Variants in SPAG17 observed in about 807,000 individuals in gnomAD.
SPAG17 encodes the protein sperm associated antigen 17.
Under a neutral mutation model 273.6 loss-of-function variants are expected in SPAG17, and 169 were observed. That is an observed-to-expected ratio of 0.62 (90% CI 0.55 to 0.70). SPAG17 has a LOEUF of 0.70. Among genes scored for constraint, SPAG17 ranks in the 30% least tolerant of loss-of-function variants. The pLI, the probability that SPAG17 is intolerant of heterozygous loss-of-function variation, is 0.00. For missense variants in SPAG17, 2,557 were observed against 2,627.8 expected, an observed-to-expected ratio of 0.97 and a Z score of 0.59; for synonymous variants, 825 against 873.2, an observed-to-expected ratio of 0.94 and a Z score of 0.97.
At chr1:118,021,122 G>C (rs905901335) in intron 28 of SPAG17, among the ~76,000 whole-genome samples, 1 of 152,046 alleles carries the variant, frequency 6.6e-6, no homozygotes, top group Non-Finnish European at 1.5e-5. Context: ...CAGTTGCTTT[G>C]TGGTTTTATA....
chr1:118,173,207 C>T (rs1462274963), intron 1 of SPAG17, among the ~76,000 whole-genome samples: 1 of 151,784 alleles, frequency 6.6e-6, no homozygotes. Context: ...AAATGAATGA[C>T]CAATCAAGAA....
intron 17 of SPAG17, among the ~76,000 whole-genome samples, chr1:118,068,752 A>G (rs1221798603): frequency 6.6e-6 from 1 of 152,210 alleles, no homozygotes; most frequent in Non-Finnish European, 1.5e-5. Flanking sequence ...AACAAAATAG[A>G]TAAGATTTTC....
At chr1:118,008,815 T>A (rs1659175543) in intron 30 of SPAG17, among the ~76,000 whole-genome samples, 1 of 152,208 alleles carries the variant, frequency 6.6e-6, no homozygotes, top group Non-Finnish European at 1.5e-5. Flanking sequence ...CATCCATCTA[T>A]CTATACATAT....
At chr1:118,053,254 A>G (rs1422255413) in intron 20 of SPAG17, among the ~76,000 whole-genome samples, 1 of 152,098 alleles carries the variant, frequency 6.6e-6, no homozygotes, top group African/African-American at 2.4e-5. Flanking sequence ...TTTCTTTACT[A>G]TTAATATCCA....
At chr1:117,980,743 G>T (rs1331064639) in intron 43 of SPAG17, among the ~76,000 whole-genome samples, 1 of 152,090 alleles carries the variant, frequency 6.6e-6, no homozygotes, top group Non-Finnish European at 1.5e-5. Context: ...AGCGAAATTA[G>T]CATAATGTGA....
At chr1:117,964,693 C>T (rs1022724704) in intron 47 of SPAG17, 14 of 152,168 alleles carry the variant, frequency 9.2e-5, no homozygotes, top group Non-Finnish European at 1.9e-4. Context: ...TATGTATTGT[C>T]TGTCCTCCCA....
chr1:118,140,114 T>C (rs1293142768), intron 3 of SPAG17, among the ~76,000 whole-genome samples: 1 of 152,172 alleles, frequency 6.6e-6, no homozygotes, highest in Non-Finnish European at 1.5e-5. Context: ...ATGGGTGCCC[T>C]TGACCTGAGA....
At chr1:118,118,731 T>C (rs1657246301) in intron 3 of SPAG17, among the ~76,000 whole-genome samples, 1 of 152,200 alleles carries the variant, frequency 6.6e-6, no homozygotes, top group African/African-American at 2.4e-5. Flanking sequence ...ATGAGGAAAT[T>C]AAGCTTCAAA....
At chr1:118,030,749 T>C (rs1648357422) in intron 25 of SPAG17, among the ~76,000 whole-genome samples, 1 of 152,196 alleles carries the variant, frequency 6.6e-6, no homozygotes, top group South Asian at 2.1e-4. Flanking sequence ...GCTTCATCCA[T>C]GTCCCTGCAA....
chr1:118,121,569 C>G (rs531235812), intron 3 of SPAG17, among the ~76,000 whole-genome samples: 1 of 152,094 alleles, frequency 6.6e-6, no homozygotes, highest in Non-Finnish European at 1.5e-5. Context: ...TGTGAGGGAT[C>G]TAGTTGTGTG....
rs1262521229 is a variant in SPAG17, at chr1:118,101,790, G to A, written c.584C>T (p.Thr195Ile). The change falls in exon 5 of 49, where the codon ACC (threonine) becomes ATC (isoleucine). Residue 195 changes from threonine (T) to isoleucine (I), a missense_variant. Coordinates refer to ENST00000336338, the MANE Select transcript of SPAG17 (RefSeq NM_206996.4). ...QPEANAPVKK[T>I]TQLKRRGEDD... is the part of the protein sequence containing the mutation. ...TTCTCCTCTCCGCTTTAACTGGGTG[G>A]TCTTTTTCACTGGTGCATTTGCCTC... The A allele has an allele frequency of 3.7e-6, 6 of 1,613,926 alleles. No individual in the cohort carries two copies. The highest frequency in any genetic ancestry group is 4.2e-6 in the Non-Finnish European group (5 of 1,179,980).
chr1:118,174,995 T>C (rs760086782), intron 1 of SPAG17, among the ~76,000 whole-genome samples: 3 of 149,670 alleles, frequency 2.0e-5, no homozygotes, highest in African/African-American at 7.4e-5. Flanking sequence ...TGTGAATAGA[T>C]TGGAAGGTCT....
chr1:118,000,460 G>T (rs1157642146), intron 32 of SPAG17, among the ~76,000 whole-genome samples: 9 of 152,176 alleles, frequency 5.9e-5, no homozygotes, highest in Admixed American at 1.3e-4. Flanking sequence ...CATGAGCATG[G>T]AATGTTCTTC....
chr1:118,043,001 A>G lies in SPAG17; in HGVS notation c.2815-959T>C, dbSNP rs113303598. Among the ~76,000 whole-genome samples the G allele has an allele frequency of 4.4e-3, 671 of 152,364 alleles. 5 individuals are homozygous for G. Among genetic ancestry groups the G allele is most frequent in the African/African-American group, 0.015 (643 of 41,596 alleles). ...AGCTCACAAATGAAAATCACAAAAC[A>G]TGCAGAAATAAACCACTTTGAGTAA... On this transcript the variant is annotated intron_variant, in intron 20 of 48. Transcript: ENST00000336338.
chr1:118,039,404 G>T lies in SPAG17; in HGVS notation c.3207C>A (p.His1069Gln). 6.2e-7 allele frequency: 1 copy of T among 1,613,390 alleles called. No homozygotes were observed. The highest frequency in any genetic ancestry group is 1.1e-5 in the South Asian group (1 of 91,056). Reference protein sequence around the residue: ...FIKVRVVKDNHNFMIHLNDPK... With the variant: ...FIKVRVVKDNQNFMIHLNDPK... ...GGTCATTTAAATGAATCATAAAATT[G>T]TGGTTGTCCTTTACCACTCTCACTT... The change falls in exon 23 of 49, where the codon CAC becomes CAA. Residue 1069 changes from histidine to glutamine, a missense_variant. Transcript: ENST00000336338.
At chr1:118,019,462 A>C (rs1008283976) in intron 28 of SPAG17, among the ~76,000 whole-genome samples, 1 of 152,098 alleles carries the variant, frequency 6.6e-6, no homozygotes, top group African/African-American at 2.4e-5. Context: ...AAAGCATAGA[A>C]GTAAAAAAAA....
At chr1:118,132,529 C>A (rs1658109681) in intron 3 of SPAG17, among the ~76,000 whole-genome samples, 4 of 152,188 alleles carry the variant, frequency 2.6e-5, no homozygotes, top group Admixed American at 2.0e-4. Context: ...TAACCCATGG[C>A]AAACTTCAAA....
In SPAG17 at chr1:118,055,886, T is replaced by C; in HGVS notation, c.2569A>G (p.Ile857Val). 6.2e-7 allele frequency: 1 copy of C among 1,606,738 alleles called. No individual in the cohort carries two copies. Residue 857 changes from isoleucine to valine, a missense_variant, in exon 19 of 49, where the codon ATT becomes GTT. Transcript: ENST00000336338. ...RNYLELVAKSIQDWITKEEAI... is the reference protein window; with the variant it reads ...RNYLELVAKSVQDWITKEEAI... ...TCTTCTTTTGTAATCCAATCTTGAA[T>C]AGATTTTGCAACAAGTTCCAAATAA... is the stretch of plus-strand genomic sequence containing the variant.
chr1:118,156,691 T>A (rs540569136), intron 1 of SPAG17, among the ~76,000 whole-genome samples: 1 of 152,268 alleles, frequency 6.6e-6, no homozygotes, highest in African/African-American at 2.4e-5. Context: ...ATTCCTCCCC[T>A]CTCTCTCCTT....
Sources: allele counts gnomAD v4.1 joint callset (sites outside exome capture counted in the v4.1 genomes callset), GRCh38; gene constraint gnomAD v4.1.1; transcripts MANE v1.5; gene names NCBI Gene and HGNC (gene_info 2026-07-23, HGNC 2026-07-21).